The following UNC13C variants were observed in gnomAD, a reference collection of about 807,000 sequenced individuals.
UNC13C encodes the protein protein unc-13 homolog C.
Under a neutral mutation model 245.4 loss-of-function variants are expected in UNC13C, and 174 were observed. That is an observed-to-expected ratio of 0.71 (90% confidence interval 0.63 to 0.80). The LOEUF (loss-of-function observed/expected upper bound fraction) is 0.80, where lower values mean the gene tolerates loss of function less well. Among genes scored for constraint, UNC13C ranks in the 30% least tolerant of loss-of-function variants. The probability of loss-of-function intolerance (pLI) is 0.00; values close to 1 mark genes in which losing one functional copy is unlikely to be tolerated. For missense variants in UNC13C, 2,829 were observed against 2,602.9 expected, an observed-to-expected ratio of 1.09 and a Z score of -1.89; for synonymous variants, 992 against 895.1, an observed-to-expected ratio of 1.11 and a Z score of -1.93.
chr15:54,206,125 T>G (rs2034700428), intron 4 of UNC13C, among the ~76,000 whole-genome samples: 1 of 152,064 alleles, frequency 6.6e-6, no homozygotes, highest in Non-Finnish European at 1.5e-5. Context: ...ATAAAGAAAT[T>G]GTTATTCCTG....
chr15:53,896,481 A>G, the UNC13C span, among the ~76,000 whole-genome samples: 23 of 152,066 alleles, frequency 1.5e-4, no homozygotes, highest in African/African-American at 5.1e-4. Flanking sequence ...TTTTCTTCTT[A>G]ATGTTGGATA....
intron 28 of UNC13C, among the ~76,000 whole-genome samples, chr15:54,554,076 T>C (rs1317632594): frequency 6.6e-6 from 1 of 152,000 alleles, no homozygotes; most frequent in African/African-American, 2.4e-5. Flanking sequence ...TTATACCATG[T>C]TGTTAGCAGT....
chr15:54,608,523 C>T (rs1025761143), intron 30 of UNC13C, among the ~76,000 whole-genome samples: 1 of 152,186 alleles, frequency 6.6e-6, no homozygotes, highest in Non-Finnish European at 1.5e-5. Flanking sequence ...GTGATGCACT[C>T]ATTTTTATTT....
intron 31 of UNC13C, 69 bp from the exon 32 acceptor site, chr15:54,623,726 C>G (rs562140766): frequency 6.9e-7 from 1 of 1,454,722 alleles, no homozygotes; most frequent in South Asian, 1.3e-5. Flanking sequence ...CTTCATAAAT[C>G]ACTTTTAAAA....
chr15:54,132,709 G>T (rs946726332), intron 2 of UNC13C, among the ~76,000 whole-genome samples: 5 of 152,148 alleles, frequency 3.3e-5, no homozygotes, highest in Admixed American at 3.3e-4. Flanking sequence ...CCCATGTGAT[G>T]ACTTTCAGGC....
At chr15:54,222,533 G>A (rs2140787476) in intron 4 of UNC13C, among the ~76,000 whole-genome samples, 1 of 152,230 alleles carries the variant, frequency 6.6e-6, no homozygotes, top group East Asian at 1.9e-4. Context: ...TGGCTATTGT[G>A]AACAGTGCTG....
chr15:54,473,356 A>C (rs985087381), intron 19 of UNC13C, among the ~76,000 whole-genome samples: 2 of 151,944 alleles, frequency 1.3e-5, no homozygotes, highest in Non-Finnish European at 2.9e-5. Flanking sequence ...TCTTTGTGTT[A>C]GGAACAGTTC....
At chr15:54,559,659 A>C (rs1441904995) in intron 29 of UNC13C, among the ~76,000 whole-genome samples, 1 of 151,938 alleles carries the variant, frequency 6.6e-6, no homozygotes, top group African/African-American at 2.4e-5. Flanking sequence ...AGGGTGATGA[A>C]TTTTCTCTGA....
At chr15:53,877,105 G>A in the UNC13C span, among the ~76,000 whole-genome samples, 2 of 152,212 alleles carry the variant, frequency 1.3e-5, no homozygotes, top group Admixed American at 6.5e-5. Context: ...GATTCTGAAA[G>A]TGGTTTCTGT....
At chr15:54,244,736 G>T (rs571331541) in intron 7 of UNC13C, among the ~76,000 whole-genome samples, 2 of 152,102 alleles carry the variant, frequency 1.3e-5, no homozygotes, top group Non-Finnish European at 1.5e-5. Context: ...TGTAGCAATT[G>T]TGAATGGGAG....
intron 25 of UNC13C, among the ~76,000 whole-genome samples, chr15:54,526,539 G>C (rs995654284): frequency 6.6e-6 from 1 of 151,856 alleles, no homozygotes; most frequent in African/African-American, 2.4e-5. Flanking sequence ...AGACCATCCT[G>C]GCTAATACAG....
intron 2 of UNC13C, among the ~76,000 whole-genome samples, chr15:54,078,642 GT>G (rs749674763): frequency 3.9e-5 from 6 of 152,050 alleles, no homozygotes; most frequent in Non-Finnish European, 8.8e-5. Flanking sequence ...AGAATTGTCT[GT>G]TCATGTCCTT....
At chr15:53,876,773 C>A in the UNC13C span, among the ~76,000 whole-genome samples, 1 of 152,116 alleles carries the variant, frequency 6.6e-6, no homozygotes, top group Non-Finnish European at 1.5e-5. Context: ...TATCTTTAGT[C>A]TTTTTATGAT....
chr15:54,140,197 G>T (rs1324363988), intron 2 of UNC13C, among the ~76,000 whole-genome samples: 1 of 152,086 alleles, frequency 6.6e-6, no homozygotes, highest in Non-Finnish European at 1.5e-5. Context: ...ACAGCAATCT[G>T]CCATTAGGAT....
chr15:54,451,449 A>C (rs1891172376), intron 19 of UNC13C, among the ~76,000 whole-genome samples: 1 of 152,036 alleles, frequency 6.6e-6, no homozygotes, highest in African/African-American at 2.4e-5. Flanking sequence ...TATGTCATGT[A>C]GGCTTTGTTT....
Position 54,171,939 on chromosome 15 carries a change from A to G in UNC13C, c.3071+28255A>G, listed in dbSNP as rs2033413500. Reference sequence around the variant, plus strand: ...TTATTGAGCCATGAAAAAGAATGAGATCCTGTCATTTGCAGTTACCATGGA... The same window carrying G: ...TTATTGAGCCATGAAAAAGAATGAGGTCCTGTCATTTGCAGTTACCATGGA... On this transcript the variant is annotated intron_variant, in intron 4 of 32. Coordinates refer to ENST00000260323, the MANE Select transcript of UNC13C (RefSeq NM_001080534.3). Among the ~76,000 whole-genome samples, 5 of 152,276 alleles carry G rather than the reference A, an allele frequency of 3.3e-5. No homozygotes were observed. In the South Asian group the frequency reaches 8.3e-4, roughly 25 times the overall value.
At chr15:54,255,135 A>T (rs1290181818) in intron 8 of UNC13C, among the ~76,000 whole-genome samples, 1 of 152,142 alleles carries the variant, frequency 6.6e-6, no homozygotes, top group Non-Finnish European at 1.5e-5. Context: ...CCCAGTAGGC[A>T]TATGTTACAG....
At chr15:54,179,734 CA>C (rs1426119141) in intron 4 of UNC13C, among the ~76,000 whole-genome samples, 3 of 151,844 alleles carry the variant, frequency 2.0e-5, no homozygotes, top group Non-Finnish European at 4.4e-5. Flanking sequence ...ATTTAAAAAT[CA>C]AAATAACCAA....
chr15:54,286,049 T>C (rs774403947), intron 10 of UNC13C, among the ~76,000 whole-genome samples: 7 of 152,034 alleles, frequency 4.6e-5, no homozygotes, highest in Non-Finnish European at 7.4e-5. Flanking sequence ...GGCTAATTTG[T>C]TTTGTATTCT....
Sources: allele counts gnomAD v4.1 joint callset (sites outside exome capture counted in the v4.1 genomes callset), GRCh38; gene constraint gnomAD v4.1.1; transcripts MANE v1.5; gene names NCBI Gene and HGNC (gene_info 2026-07-23, HGNC 2026-07-21).